The following VKORC1L1 variants were observed in gnomAD, a reference collection of about 807,000 sequenced individuals.
The protein encoded by VKORC1L1 is vitamin K epoxide reductase complex subunit 1L1.
In VKORC1L1, 2 loss-of-function variants were observed where a neutral mutation model predicts 18.9. The observed-to-expected ratio is 0.11, with a 90% CI of 0.04 to 0.33. The LOEUF (loss-of-function observed/expected upper bound fraction) is 0.33, where lower values mean the gene tolerates loss of function less well. Ranked by LOEUF, VKORC1L1 falls within the 10% of genes least tolerant of loss-of-function variation. The pLI is 1.00. For synonymous variants in VKORC1L1, 96 were observed against 100.0 expected (o/e 0.96, Z 0.24); for missense variants, 123 against 224.1 (o/e 0.55, Z 2.88).
At chr7:65,887,334 C>T (rs1319686168) in intron 1 of VKORC1L1, among the ~76,000 whole-genome samples, 3 of 152,034 alleles carry the variant, frequency 2.0e-5, no homozygotes, top group Non-Finnish European at 2.9e-5. Flanking sequence ...TAGATAAATA[C>T]ATAACGTTGA....
At chr7:65,911,800 T>G (rs898116276) in intron 1 of VKORC1L1, among the ~76,000 whole-genome samples, 5 of 152,186 alleles carry the variant, frequency 3.3e-5, no homozygotes, top group African/African-American at 1.2e-4. Flanking sequence ...TAACAAATAA[T>G]TCATAGACCA....
chr7:65,920,734 G>A (rs1021296103), intron 1 of VKORC1L1, among the ~76,000 whole-genome samples: 2 of 151,842 alleles, frequency 1.3e-5, no homozygotes, highest in South Asian at 2.1e-4. Flanking sequence ...GGTGGTATGC[G>A]CCTGCAGTCC....
At chr7:65,918,152 G>C (rs1264048611) in intron 1 of VKORC1L1, among the ~76,000 whole-genome samples, 1 of 152,128 alleles carries the variant, frequency 6.6e-6, no homozygotes, top group Non-Finnish European at 1.5e-5. Context: ...GATAACCATT[G>C]TGATTCTTTT....
At chr7:65,888,909 A>G (rs1215632127) in intron 1 of VKORC1L1, among the ~76,000 whole-genome samples, 1 of 152,160 alleles carries the variant, frequency 6.6e-6, no homozygotes. Context: ...GCTTGTGTCA[A>G]GTCAGCTAGA....
At chr7:65,925,280 ACCCGG>A (rs1789742790) in intron 1 of VKORC1L1, among the ~76,000 whole-genome samples, 1 of 152,082 alleles carries the variant, frequency 6.6e-6, no homozygotes, top group Non-Finnish European at 1.5e-5. Flanking sequence ...CATCCTGGAA[ACCCGG>A]GAGTCAGTCA....
At chr7:65,947,586 A>G (rs1168898035) in intron 1 of VKORC1L1, among the ~76,000 whole-genome samples, 1 of 152,184 alleles carries the variant, frequency 6.6e-6, no homozygotes, top group African/African-American at 2.4e-5. Flanking sequence ...CAAATGCAAG[A>G]TTTAAAGTTA....
At chr7:65,876,726 TTTC>T (rs1788833006) in intron 1 of VKORC1L1, among the ~76,000 whole-genome samples, 1 of 152,034 alleles carries the variant, frequency 6.6e-6, no homozygotes, top group Non-Finnish European at 1.5e-5. Context: ...GGTGCCTCAG[TTTC>T]TTATGTTAAA....
chr7:65,888,577 T>C lies in VKORC1L1; in HGVS notation c.194+15012T>C, dbSNP rs532178494. Among the ~76,000 whole-genome samples, 307 of 152,096 alleles carry C rather than the reference T, an allele frequency of 2.0e-3. 3 individuals carry two copies. The highest frequency in any genetic ancestry group is 6.8e-3 in the African/African-American group (284 of 41,534). ...GCTGATCTGGCCTTGGACACCTGCC[T>C]TGGCCTCTTCTACCGAAGCTGCAGG... is the stretch of plus-strand genomic sequence containing the variant. On this transcript the variant is annotated intron_variant, in intron 1 of 2. Coordinates refer to ENST00000360768, the MANE Select transcript of VKORC1L1 (RefSeq NM_173517.6).
intron 1 of VKORC1L1, among the ~76,000 whole-genome samples, chr7:65,889,561 G>A (rs1207320295): frequency 6.6e-6 from 1 of 152,044 alleles, no homozygotes; most frequent in Non-Finnish European, 1.5e-5. Context: ...ATTGAGCGGT[G>A]CATCTTTTTG....
chr7:65,923,240 C>A (rs1247654034), intron 1 of VKORC1L1, among the ~76,000 whole-genome samples: 2 of 151,910 alleles, frequency 1.3e-5, no homozygotes, highest in African/African-American at 2.4e-5. Context: ...TGTCTCTCAA[C>A]AAATCACAAA....
rs544933601 is a variant in VKORC1L1, at chr7:65,927,506, CAG to C, written c.195-21161_195-21160del. Among the ~76,000 whole-genome samples the C allele has an allele frequency of 6.6e-5, 10 of 152,240 alleles. No individual in the cohort carries two copies. In the South Asian group the frequency reaches 2.1e-3, roughly 32 times the overall value. Reference sequence around the variant, plus strand: ...TCTGTCCAAACCCAAAGAATGGACTCAGAGACCAGGAGAACAGCGAAAAGTGA... The same window carrying C: ...TCTGTCCAAACCCAAAGAATGGACTCAGACCAGGAGAACAGCGAAAAGTGA... On this transcript the variant is annotated intron_variant, in intron 1 of 2. Transcript: ENST00000360768.
chr7:65,899,817 T>TG (rs1275435445), intron 1 of VKORC1L1, among the ~76,000 whole-genome samples: 7 of 151,470 alleles, frequency 4.6e-5, no homozygotes, highest in African/African-American at 1.7e-4. Context: ...CTGACCAACA[T>TG]GGAGAAACCC....
chr7:65,875,778 T>G (rs1285953376), intron 1 of VKORC1L1, among the ~76,000 whole-genome samples: 1 of 152,120 alleles, frequency 6.6e-6, no homozygotes, highest in Non-Finnish European at 1.5e-5. Flanking sequence ...TTTTGAGTGG[T>G]GATTGCCATG....
rs943963735 is a variant in VKORC1L1, at chr7:65,956,054, T to G, written c.*1754T>G. On this transcript the variant is annotated 3_prime_UTR_variant, in exon 3 of 3. Coordinates refer to ENST00000360768, the MANE Select transcript of VKORC1L1 (RefSeq NM_173517.6). The stretch of plus-strand genomic sequence containing the variant: ...CTTAAAAGAGAGCTTAAGTCAAGAT[T>G]TCATCAAGACTTGTGTTTTCCCATG... The G allele has an allele frequency of 6.6e-6, 1 of 152,250 alleles. No individual in the cohort carries two copies. Among genetic ancestry groups the G allele is most frequent in the African/African-American group, 2.4e-5 (1 of 41,460 alleles). 9.4% of individuals were successfully genotyped at this position (152,250 alleles called of 1,614,324 possible).
chr7:65,883,373 A>C (rs1224236632), intron 1 of VKORC1L1, among the ~76,000 whole-genome samples: 9 of 150,560 alleles, frequency 6.0e-5, no homozygotes, highest in African/African-American at 2.2e-4. Flanking sequence ...CTCGTCTCGA[A>C]CTCCTGACCT....
chr7:65,897,753 A>G (rs184198652), intron 1 of VKORC1L1, among the ~76,000 whole-genome samples: 4 of 151,890 alleles, frequency 2.6e-5, no homozygotes, highest in Non-Finnish European at 4.4e-5. Flanking sequence ...AAATTCATCA[A>G]GCTATGAACT....
chr7:65,931,833 G>T (rs1789863333), intron 1 of VKORC1L1, among the ~76,000 whole-genome samples: 1 of 151,794 alleles, frequency 6.6e-6, no homozygotes, highest in Non-Finnish European at 1.5e-5. Flanking sequence ...GTAGAGACAG[G>T]GTTTCACCAT....
In VKORC1L1 at chr7:65,891,556, T is replaced by TC. The variant is rs1221349122; in HGVS notation, c.194+17994dup. On this transcript the variant is annotated intron_variant, in intron 1 of 2. Transcript: ENST00000360768. ...GGATAAATGTATTGATCCCCTCCCC[T>TC]CCCTGCCCCATACCTGTGTTGCATG... Among the ~76,000 whole-genome samples, 4 of 152,258 alleles carry TC rather than the reference T, an allele frequency of 2.6e-5. 1 individual carries two copies. In the Middle Eastern group the frequency reaches 0.01, roughly 388 times the overall value.
At chr7:65,923,569 G>A (rs1001776642) in intron 1 of VKORC1L1, among the ~76,000 whole-genome samples, 3 of 152,026 alleles carry the variant, frequency 2.0e-5, no homozygotes, top group African/African-American at 7.2e-5. Context: ...GTAGTTATAT[G>A]GAAACACACC....
Sources: gnomAD v4.1 joint callset for allele counts (sites outside exome capture counted in the v4.1 genomes callset) on GRCh38, gnomAD v4.1.1 for gene constraint, MANE v1.5 for transcripts, NCBI Gene and HGNC (gene_info 2026-07-23, HGNC 2026-07-21) for gene names.